ICE1: variants seen among roughly 807,000 people sequenced by gnomAD.
The protein encoded by ICE1 is little elongation complex subunit 1.
Under a neutral mutation model 192.7 loss-of-function variants are expected in ICE1, and 64 were observed. The observed-to-expected ratio is 0.33, with a 90% CI of 0.27 to 0.41. The LOEUF (loss-of-function observed/expected upper bound fraction) is 0.41. Among genes scored for constraint, ICE1 ranks in the 10% least tolerant of loss-of-function variants. The probability of loss-of-function intolerance (pLI) is 1.00; values close to 1 mark genes in which losing one functional copy is unlikely to be tolerated. For synonymous variants in ICE1, 1,010 were observed against 984.5 expected, an observed-to-expected ratio of 1.03 and a Z score of -0.49; for missense variants, 2,708 against 2,696.0, an observed-to-expected ratio of 1.00 and a Z score of -0.10.
chr5:5,458,740 A>G (rs914645666), intron 12 of ICE1, among the ~76,000 whole-genome samples: 12 of 152,212 alleles, frequency 7.9e-5, no homozygotes, highest in Admixed American at 7.9e-4. Flanking sequence ...GATGAATCCA[A>G]AGACATAGAC....
chr5:5,433,252 A>T (rs543899725), intron 1 of ICE1, among the ~76,000 whole-genome samples: 2 of 152,220 alleles, frequency 1.3e-5, no homozygotes, highest in East Asian at 3.9e-4. Flanking sequence ...TTTCTGCTGG[A>T]TGGGGGAGGA....
intron 1 of ICE1, among the ~76,000 whole-genome samples, chr5:5,427,407 T>C (rs1737556863): frequency 6.6e-6 from 1 of 152,246 alleles, no homozygotes; most frequent in Admixed American, 6.5e-5. Context: ...GAAGCTGACA[T>C]AGTCTCTTTA....
intron 7 of ICE1, 94 bp downstream of exon 7, chr5:5,444,420 G>T: frequency 2.2e-6 from 2 of 893,566 alleles, no homozygotes; most frequent in Non-Finnish European, 3.5e-6. Flanking sequence ...TAGTTGAATT[G>T]TTATGGTTTT....
intron 17 of ICE1, among the ~76,000 whole-genome samples, chr5:5,478,256 G>GGATA (rs1411259684): frequency 6.6e-6 from 1 of 152,216 alleles, no homozygotes; most frequent in African/African-American, 2.4e-5. Flanking sequence ...AGCAGCTTCA[G>GGATA]CAAAGTCTCA....
In ICE1 at chr5:5,463,578, A is replaced by C. The variant is rs1260032048; in HGVS notation, c.4244A>C (p.Asn1415Thr). The change falls in exon 13 of 19, where the codon AAT (asparagine) becomes ACT (threonine). Residue 1415 changes from asparagine (N) to threonine (T), a missense_variant. Coordinates refer to ENST00000296564, the MANE Select transcript of ICE1 (RefSeq NM_015325.3). Reference sequence around the variant, plus strand: ...AACGTACTTATAAATAAGGATCAGAATCTAGTCATTGAAAAGGGGGACAAC... The same window carrying C: ...AACGTACTTATAAATAAGGATCAGACTCTAGTCATTGAAAAGGGGGACAAC... ...VINVLINKDQ[N>T]LVIEKGDNWT... 1.9e-6 allele frequency: 3 copies of C among 1,613,898 alleles called. No individual in the cohort carries two copies. Among genetic ancestry groups the C allele is most frequent in the South Asian group, 1.1e-5 (1 of 91,086 alleles).
At chr5:5,455,511 T>A (rs1236726885) in intron 11 of ICE1, among the ~76,000 whole-genome samples, 1 of 152,218 alleles carries the variant, frequency 6.6e-6, no homozygotes, top group Non-Finnish European at 1.5e-5. Context: ...ATCAGCATTC[T>A]ATTTTAAGCA....
chr5:5,447,593 G>A (rs532474344), intron 8 of ICE1, 84 bp downstream of exon 8: 1 of 1,326,298 alleles, frequency 7.5e-7, no homozygotes, highest in Admixed American at 2.1e-5. Flanking sequence ...ACTCACGTAG[G>A]AGTCAACATG....
chr5:5,443,693 T>G (rs899180938), intron 6 of ICE1, among the ~76,000 whole-genome samples: 5 of 152,176 alleles, frequency 3.3e-5, no homozygotes, highest in African/African-American at 1.2e-4. Context: ...TTTGCTACTA[T>G]TCATAAAAAG....
Position 5,462,484 on chromosome 5 carries a change from A to G in ICE1, c.3150A>G (p.Lys1050=), listed in dbSNP as rs761759216. Residue 1050 remains lysine (K), a synonymous_variant, in exon 13 of 19, where the codon AAA becomes AAG. Coordinates refer to ENST00000296564, the MANE Select transcript of ICE1 (RefSeq NM_015325.3). ...CACAAAATGCTAATGGACTTTGGAA[A>G]TTGAAATCTACAACTCCCGGTGGTG... The part of the protein sequence containing the change: ...STPQNANGLW[K]LKSTTPGGAL... 1 of 1,614,062 alleles carries G rather than the reference A, an allele frequency of 6.2e-7. No individual in the cohort carries two copies. Among genetic ancestry groups the G allele is most frequent in the South Asian group, 1.1e-5 (1 of 91,080 alleles).
chr5:5,435,515 G>C (rs1054378041), intron 1 of ICE1, among the ~76,000 whole-genome samples: 11 of 151,998 alleles, frequency 7.2e-5, no homozygotes, highest in African/African-American at 2.4e-4. Flanking sequence ...AGTATTTAGT[G>C]ATGGAAAAAG....
In ICE1 at chr5:5,464,860, G is replaced by A. The variant is rs767612851; in HGVS notation, c.5526G>A (p.Leu1842=). The change falls in exon 13 of 19, where the codon CTG becomes CTA. Residue 1842 remains leucine (L), a synonymous_variant. Transcript: ENST00000296564. This position sits in a 1 kb window ranked among gnomAD's most constrained non-coding sequence, Gnocchi z 4.0. The stretch of plus-strand genomic sequence containing the variant: ...AAAGAACACTGTCAACGTCTACACT[G>A]AGAAGTGCTAAAAGACTGCGCCTGG... ...SGKRTLSTST[L]RSAKRLRLDT... The A allele has an allele frequency of 3.1e-5, 50 of 1,613,094 alleles. 1 individual carries two copies. The highest frequency in any genetic ancestry group is 1.6e-4 in the Middle Eastern group (1 of 6,084).
chr5:5,454,774 A>G lies in ICE1; in HGVS notation c.691+136A>G, dbSNP rs143871207. On this transcript the variant is annotated intron_variant, in intron 11 of 18. Transcript: ENST00000296564. ...GAAGTAAACTAGAATGGGTACTTTT[A>G]ATTATACAAAACTCGTTTCCCTTCA... 1,063 of 576,358 alleles carry G rather than the reference A, an allele frequency of 1.8e-3. 12 individuals are homozygous for G. In the African/African-American group the frequency reaches 0.019, roughly 10 times the overall value. 35.7% of individuals were successfully genotyped at this position (576,358 alleles called of 1,614,324 possible).
At chr5:5,478,962 G>C (rs764136683) in intron 17 of ICE1, among the ~76,000 whole-genome samples, 35 of 152,242 alleles carry the variant, frequency 2.3e-4, no homozygotes, top group Non-Finnish European at 4.3e-4. Flanking sequence ...ATGGATTAAA[G>C]ACTTAAATGT....
intron 1 of ICE1, among the ~76,000 whole-genome samples, chr5:5,426,785 C>A (rs1203225212): frequency 6.6e-6 from 1 of 152,186 alleles, no homozygotes; most frequent in Non-Finnish European, 1.5e-5. Flanking sequence ...AGTAGATAAC[C>A]GCTTTTTGGA....
Position 5,422,942 on chromosome 5 carries a change from G to A in ICE1, c.27G>A (p.Ala9=). 6.9e-7 allele frequency: 1 copy of A among 1,446,646 alleles called. No homozygotes were observed. Among genetic ancestry groups the A allele is most frequent in the Non-Finnish European group, 9.1e-7 (1 of 1,101,214 alleles). 89.6% of individuals were successfully genotyped at this position (1,446,646 alleles called of 1,614,324 possible). The change falls in exon 1 of 19, where the codon GCG becomes GCA. Residue 9 remains alanine, a synonymous_variant. Coordinates refer to ENST00000296564, the MANE Select transcript of ICE1 (RefSeq NM_015325.3). The part of the protein sequence containing the change: MMPGETHS[A]APGTAADLSR... ...TGATGCCGGGCGAGACCCATTCGGC[G>A]GCGCCCGGGACGGCGGCGGACCTGT...
chr5:5,473,046 T>C (rs1739209380), intron 15 of ICE1, among the ~76,000 whole-genome samples: 1 of 152,156 alleles, frequency 6.6e-6, no homozygotes, highest in African/African-American at 2.4e-5. Flanking sequence ...TAAAAAGAAG[T>C]TCAAACTACT....
At chr5:5,444,146 T>C (rs1310404844) in intron 6 of ICE1, 143 bp from the exon 7 acceptor site, 18 of 599,896 alleles carry the variant, frequency 3.0e-5, no homozygotes, top group Non-Finnish European at 1.8e-5. Context: ...AATAGTATAT[T>C]ATTCTCTCTT....
In ICE1 at chr5:5,434,719, C is replaced by G. The variant is rs561769780; in HGVS notation, c.85-1699C>G. Among the ~76,000 whole-genome samples the G allele has an allele frequency of 4.4e-4, 67 of 152,278 alleles. 1 individual carries two copies. The South Asian group carries it at 6.2e-3, about 14-fold the overall frequency. On this transcript the variant is annotated intron_variant, in intron 1 of 18. Coordinates refer to ENST00000296564, the MANE Select transcript of ICE1 (RefSeq NM_015325.3). ...AGAGGAAAAATAGAAAAAATTATCA[C>G]TGTGTGTGTTTTGATTTCATTATAT... is the stretch of plus-strand genomic sequence containing the variant.
chr5:5,459,504 T>G (rs1738689333), intron 12 of ICE1, among the ~76,000 whole-genome samples: 1 of 151,944 alleles, frequency 6.6e-6, no homozygotes, highest in Admixed American at 6.6e-5. Flanking sequence ...TGTCATCCAG[T>G]AAGAGTATGG....
Sources: allele counts gnomAD v4.1 joint callset (sites outside exome capture counted in the v4.1 genomes callset), GRCh38; gene constraint gnomAD v4.1.1; non-coding constraint Gnocchi (gnomAD v3.1); transcripts MANE v1.5; gene names NCBI Gene and HGNC (gene_info 2026-07-23, HGNC 2026-07-21).